SPOCK1: variants seen among roughly 807,000 people sequenced by gnomAD.
The protein encoded by SPOCK1 is SPARC (osteonectin), cwcv and kazal like domains proteoglycan 1.
SPOCK1 carries 23 observed loss-of-function variants against 55.3 expected under a neutral mutation model. That is an observed-to-expected ratio of 0.42 (90% CI 0.30 to 0.59). The LOEUF (loss-of-function observed/expected upper bound fraction) is 0.59, where lower values mean the gene tolerates loss of function less well. SPOCK1 is among the 20% of genes least tolerant of loss of function. The pLI, the probability that SPOCK1 is intolerant of heterozygous loss-of-function variation, is 0.22. For missense variants in SPOCK1, 499 were observed against 552.5 expected (o/e 0.90, Z 0.97); for synonymous variants, 226 against 221.0 (o/e 1.02, Z -0.20).
chr5:137,001,652 A>T (rs1396251774), intron 6 of SPOCK1, among the ~76,000 whole-genome samples: 1 of 152,176 alleles, frequency 6.6e-6, no homozygotes, highest in African/African-American at 2.4e-5. Flanking sequence ...TCTTCACGCA[A>T]GCCCTTGCTC....
intron 2 of SPOCK1, among the ~76,000 whole-genome samples, chr5:137,333,437 C>T (rs1758225355): frequency 6.6e-6 from 1 of 152,164 alleles, no homozygotes; most frequent in Admixed American, 6.5e-5. Flanking sequence ...ACACTGGGGC[C>T]CTCCCCAGGT....
chr5:137,164,401 G>A (rs1754611231), intron 3 of SPOCK1, among the ~76,000 whole-genome samples: 2 of 152,104 alleles, frequency 1.3e-5, no homozygotes, highest in South Asian at 4.1e-4. Flanking sequence ...TCCAACACCT[G>A]CTGAATATAG....
chr5:137,454,003 G>C (rs1753313767), intron 2 of SPOCK1, among the ~76,000 whole-genome samples: 1 of 151,756 alleles, frequency 6.6e-6, no homozygotes, highest in African/African-American at 2.4e-5. Flanking sequence ...TGATGTACAA[G>C]GATGTCACTA....
intron 6 of SPOCK1, among the ~76,000 whole-genome samples, chr5:136,995,257 G>C (rs977667646): frequency 6.6e-6 from 1 of 152,146 alleles, no homozygotes; most frequent in African/African-American, 2.4e-5. Flanking sequence ...TTTAAGATGA[G>C]CTGAGAAAGA....
At chr5:137,405,342 G>T (rs372326455) in intron 2 of SPOCK1, among the ~76,000 whole-genome samples, 4 of 152,268 alleles carry the variant, frequency 2.6e-5, no homozygotes, top group African/African-American at 9.6e-5. Context: ...CCATAAATCG[G>T]CTGAACTGCA....
intron 2 of SPOCK1, among the ~76,000 whole-genome samples, chr5:137,443,113 AC>A (rs1435684456): frequency 2.8e-4 from 43 of 152,088 alleles, no homozygotes; most frequent in Non-Finnish European, 5.6e-4. Context: ...GAAAAAGAAA[AC>A]ACAGATCTGC....
At chr5:137,344,954 A>C (rs1394642696) in intron 2 of SPOCK1, among the ~76,000 whole-genome samples, 1 of 152,232 alleles carries the variant, frequency 6.6e-6, no homozygotes, top group Non-Finnish European at 1.5e-5. Context: ...GGGTAACAAA[A>C]GCTTTATAGA....
chr5:137,365,027 G>C (rs762768347), intron 2 of SPOCK1: 7 of 152,258 alleles, frequency 4.6e-5, no homozygotes, highest in African/African-American at 1.2e-4. Flanking sequence ...ATGTCCAAGT[G>C]CCCAGCATAG....
intron 6 of SPOCK1, among the ~76,000 whole-genome samples, chr5:137,024,521 C>G (rs115557990): frequency 1.3e-4 from 19 of 151,890 alleles, no homozygotes; most frequent in African/African-American, 4.6e-4. Context: ...ATCTACCCCT[C>G]TGTGGCTCTA....
At chr5:137,205,055 C>G (rs754915774) in intron 3 of SPOCK1, among the ~76,000 whole-genome samples, 2 of 152,182 alleles carry the variant, frequency 1.3e-5, no homozygotes, top group African/African-American at 4.8e-5. Flanking sequence ...TATCACCGTA[C>G]GCCATTTGTT....
intron 2 of SPOCK1, among the ~76,000 whole-genome samples, chr5:137,286,673 C>T (rs1362097826): frequency 6.6e-6 from 1 of 152,176 alleles, no homozygotes; most frequent in Non-Finnish European, 1.5e-5. Context: ...AGAATAGAGT[C>T]TGAGTGTGTC....
At chr5:137,196,778 GGA>G (rs1755307161) in intron 3 of SPOCK1, among the ~76,000 whole-genome samples, 1 of 152,174 alleles carries the variant, frequency 6.6e-6, no homozygotes, top group Non-Finnish European at 1.5e-5. Flanking sequence ...ATAAGCTCCT[GGA>G]GGGCAAGAAT....
At position 137,174,565 on chromosome 5, in the gene SPOCK1, C is replaced by T. The variant is rs559333450; in HGVS notation, c.233-33871G>A. Among the ~76,000 whole-genome samples the T allele has an allele frequency of 1.7e-4, 26 of 152,370 alleles. No homozygotes were observed. The South Asian group carries it at 5.0e-3, about 29-fold the overall frequency. On this transcript the variant is annotated intron_variant, in intron 3 of 10. Transcript: ENST00000394945. ...ACACATGAGCAGTGCACCCCAGTGCCTGGGCTTGTCCATCCTCTCATTCTG... is the reference window on the plus strand; with the variant it reads ...ACACATGAGCAGTGCACCCCAGTGCTTGGGCTTGTCCATCCTCTCATTCTG...
At chr5:137,394,258 A>T (rs527580500) in intron 2 of SPOCK1, among the ~76,000 whole-genome samples, 49 of 152,334 alleles carry the variant, frequency 3.2e-4, no homozygotes, top group South Asian at 2.3e-3. Context: ...CCACCGGTAG[A>T]CTGTAAAACT....
chr5:137,080,225 G>A (rs534725738), intron 5 of SPOCK1, among the ~76,000 whole-genome samples: 5 of 152,164 alleles, frequency 3.3e-5, no homozygotes, highest in African/African-American at 9.7e-5. Flanking sequence ...GAGGCTCACA[G>A]ATGTCGTTTG....
At chr5:137,148,149 T>C (rs1369220175) in intron 3 of SPOCK1, among the ~76,000 whole-genome samples, 1 of 152,148 alleles carries the variant, frequency 6.6e-6, no homozygotes, top group Non-Finnish European at 1.5e-5. Context: ...TGACAAGCCA[T>C]GACCATGGCC....
chr5:137,176,564 A>G (rs999318713), intron 3 of SPOCK1, among the ~76,000 whole-genome samples: 2 of 151,886 alleles, frequency 1.3e-5, no homozygotes, highest in African/African-American at 4.8e-5. Context: ...ATGTATATTT[A>G]CCTTACTAGA....
chr5:137,220,782 G>A (rs956865774), intron 3 of SPOCK1, among the ~76,000 whole-genome samples: 1 of 152,232 alleles, frequency 6.6e-6, no homozygotes, highest in Non-Finnish European at 1.5e-5. Flanking sequence ...GTAGGTGAGT[G>A]AGTGAATAAG....
intron 3 of SPOCK1, among the ~76,000 whole-genome samples, chr5:137,162,994 G>T (rs1206874316): frequency 2.0e-5 from 3 of 152,206 alleles, no homozygotes; most frequent in Non-Finnish European, 2.9e-5. Context: ...CTTTTCCAAG[G>T]TTCTTTAGCA....
Sources: allele counts gnomAD v4.1 joint callset (sites outside exome capture counted in the v4.1 genomes callset), GRCh38; gene constraint gnomAD v4.1.1; transcripts MANE v1.5; gene names NCBI Gene and HGNC (gene_info 2026-07-23, HGNC 2026-07-21).